The following MBNL2 variants were observed in gnomAD, a reference collection of about 807,000 sequenced individuals.
MBNL2 encodes the protein muscleblind-like protein 2.
MBNL2 carries 17 observed loss-of-function variants against 41.9 expected under a neutral mutation model. That is an observed-to-expected ratio of 0.41 (90% CI 0.28 to 0.61). The LOEUF (loss-of-function observed/expected upper bound fraction) is 0.61. Ranked by LOEUF, MBNL2 falls within the 20% of genes least tolerant of loss-of-function variation. The pLI, the probability that MBNL2 is intolerant of heterozygous loss-of-function variation, is 0.35. For synonymous variants in MBNL2, 195 were observed against 182.9 expected (o/e 1.07, Z -0.53); for missense variants, 336 against 505.6 (o/e 0.66, Z 3.22).
At chr13:97,183,445 G>A in the MBNL2 span, among the ~76,000 whole-genome samples, 1 of 152,234 alleles carries the variant, frequency 6.6e-6, no homozygotes, top group East Asian at 1.9e-4. Context: ...ATACAGGTTT[G>A]GCAAACACCT....
chr13:97,373,273 C>T (rs984647538), intron 8 of MBNL2, among the ~76,000 whole-genome samples: 1 of 152,084 alleles, frequency 6.6e-6, no homozygotes, highest in Non-Finnish European at 1.5e-5. Context: ...CTGCCTAAGT[C>T]GTTTAGCCAC....
At chr13:97,250,895 T>C (rs1166065730) in intron 1 of MBNL2, among the ~76,000 whole-genome samples, 1 of 152,170 alleles carries the variant, frequency 6.6e-6, no homozygotes, top group Non-Finnish European at 1.5e-5. Context: ...CACAAGTATG[T>C]CATCTTTGCT....
intron 2 of MBNL2, among the ~76,000 whole-genome samples, chr13:97,330,985 C>G (rs2060390156): frequency 6.6e-6 from 1 of 151,906 alleles, no homozygotes. Context: ...ACACAAATAC[C>G]CTGTAGAGTT....
chr13:97,314,517 A>G (rs1441163963), intron 2 of MBNL2, among the ~76,000 whole-genome samples: 1 of 152,156 alleles, frequency 6.6e-6, no homozygotes, highest in African/African-American at 2.4e-5. Flanking sequence ...TCTTGTCTCT[A>G]GTGCTGAGAT....
At chr13:97,166,932 G>T in the MBNL2 span, among the ~76,000 whole-genome samples, 1 of 152,072 alleles carries the variant, frequency 6.6e-6, no homozygotes, top group African/African-American at 2.4e-5. Context: ...GGGTAATTCT[G>T]ATTTGTAGCA....
chr13:97,347,729 G>T (rs1404216013), intron 5 of MBNL2, among the ~76,000 whole-genome samples: 2 of 152,120 alleles, frequency 1.3e-5, no homozygotes. Flanking sequence ...TTAGAGACCA[G>T]CAGTACATCA....
At chr13:97,217,307 C>T (rs2040463734), upstream of MBNL2, among the ~76,000 whole-genome samples, 1 of 152,114 alleles carries the variant, frequency 6.6e-6, no homozygotes, top group African/African-American at 2.4e-5. Context: ...TGCTATTATG[C>T]AATGCATGTT....
chr13:97,162,856 G>A, the MBNL2 span, among the ~76,000 whole-genome samples: 2 of 152,158 alleles, frequency 1.3e-5, no homozygotes, highest in African/African-American at 4.8e-5. Context: ...TCTATAATGG[G>A]AGAAGACTAT....
chr13:97,186,905 C>G, the MBNL2 span, among the ~76,000 whole-genome samples: 3 of 152,140 alleles, frequency 2.0e-5, no homozygotes, highest in Non-Finnish European at 4.4e-5. Flanking sequence ...AAGAGTATCA[C>G]CAGGTTGAGA....
chr13:97,335,610 C>CATTTA (rs2060814236), intron 3 of MBNL2, among the ~76,000 whole-genome samples: 2 of 151,960 alleles, frequency 1.3e-5, no homozygotes, highest in Non-Finnish European at 2.9e-5. Flanking sequence ...GTGCAGAGGG[C>CATTTA]TCCAAGATAA....
chr13:97,379,819 G>A (rs2065272914), intron 8 of MBNL2, among the ~76,000 whole-genome samples: 1 of 152,180 alleles, frequency 6.6e-6, no homozygotes, highest in Non-Finnish European at 1.5e-5. Context: ...ATGGAGGGTG[G>A]TGATGGTGGC....
Position 97,302,062 on chromosome 13 carries a change from C to T in MBNL2, c.174+25653C>T, listed in dbSNP as rs547304216. Among the ~76,000 whole-genome samples the T allele has an allele frequency of 2.0e-5, 3 of 152,314 alleles. No individual in the cohort carries two copies. The South Asian group carries it at 6.2e-4, about 32-fold the overall frequency. On this transcript the variant is annotated intron_variant, in intron 2 of 8. Coordinates refer to ENST00000679496, the MANE Select transcript of MBNL2 (RefSeq NM_001382683.1). ...AGATTTCTGCAGCAATTCCTCAGCACATACTTGGAGGTGTGTTTCTCCCTG... is the reference window on the plus strand; with the variant it reads ...AGATTTCTGCAGCAATTCCTCAGCATATACTTGGAGGTGTGTTTCTCCCTG...
At chr13:97,202,512 G>A in the MBNL2 span, among the ~76,000 whole-genome samples, 5 of 152,186 alleles carry the variant, frequency 3.3e-5, no homozygotes, top group East Asian at 1.9e-4. Flanking sequence ...TAGCACATTC[G>A]TAATCACTCA....
chr13:97,261,651 T>G (rs2152879802), intron 1 of MBNL2, among the ~76,000 whole-genome samples: 1 of 152,328 alleles, frequency 6.6e-6, no homozygotes, highest in South Asian at 2.1e-4. Flanking sequence ...TGCCATCTTC[T>G]GTAACTGCCC....
intron 1 of MBNL2, among the ~76,000 whole-genome samples, chr13:97,239,608 A>G (rs1056966258): frequency 2.0e-5 from 3 of 152,240 alleles, no homozygotes; most frequent in East Asian, 1.9e-4. Flanking sequence ...CTATGCTCCA[A>G]TCCCTTCAAC....
chr13:97,292,886 G>A (rs2056400563), intron 2 of MBNL2, among the ~76,000 whole-genome samples: 1 of 151,386 alleles, frequency 6.6e-6, no homozygotes, highest in Non-Finnish European at 1.5e-5. Flanking sequence ...TACTCTATCA[G>A]TCTTCTCCCT....
intron 3 of MBNL2, among the ~76,000 whole-genome samples, chr13:97,335,173 C>T (rs572948773): frequency 1.3e-5 from 2 of 152,222 alleles, no homozygotes; most frequent in East Asian, 3.9e-4. Flanking sequence ...TCTGAAAGTA[C>T]TTCCTTAAAG....
At chr13:97,169,403 G>A in the MBNL2 span, among the ~76,000 whole-genome samples, 1 of 152,142 alleles carries the variant, frequency 6.6e-6, no homozygotes, top group Non-Finnish European at 1.5e-5. Flanking sequence ...GTGACAAGAA[G>A]GGCTTGAAAA....
At chr13:97,371,469 A>G (rs1286651082) in intron 8 of MBNL2, among the ~76,000 whole-genome samples, 2 of 152,178 alleles carry the variant, frequency 1.3e-5, no homozygotes, top group Non-Finnish European at 2.9e-5. Context: ...CAGCTGGAGA[A>G]TAACTCCCAT....
Sources: allele counts gnomAD v4.1 joint callset (sites outside exome capture counted in the v4.1 genomes callset), GRCh38; gene constraint gnomAD v4.1.1; transcripts MANE v1.5; gene names NCBI Gene and HGNC (gene_info 2026-07-23, HGNC 2026-07-21).